Variants in AP2B1 observed in about 807,000 individuals in gnomAD.
AP2B1 encodes the protein adaptor related protein complex 2 subunit beta 1.
Under a neutral mutation model 102.0 loss-of-function variants are expected in AP2B1, and 23 were observed. That is an observed-to-expected ratio of 0.23 (90% CI 0.16 to 0.32). The LOEUF (loss-of-function observed/expected upper bound fraction) is 0.32, where lower values mean the gene tolerates loss of function less well. Ranked by LOEUF, AP2B1 falls within the 10% of genes least tolerant of loss-of-function variation. The probability of loss-of-function intolerance (pLI) is 1.00; values close to 1 mark genes in which losing one functional copy is unlikely to be tolerated. For synonymous variants in AP2B1, 381 were observed against 421.2 expected (o/e 0.90, Z 1.17); for missense variants, 541 against 1,157.4 (o/e 0.47, Z 7.73).
Position 35,629,355 on chromosome 17 carries a change from G to A in AP2B1, c.1155+1629G>A, listed in dbSNP as rs111318286. 9.9e-3 allele frequency among the ~76,000 whole-genome samples: 1,505 copies of A among 151,872 alleles called. 20 individuals carry two copies. The highest frequency in any genetic ancestry group is 0.034 in the African/African-American group (1,416 of 41,384). The stretch of plus-strand genomic sequence containing the variant: ...ATATCAAATCTGTAAACTTTCTTTT[G>A]TCTTAGACCCTTCTCTTTTGCAGTC... On this transcript the variant is annotated intron_variant, in intron 9 of 21. Transcript: ENST00000610402.
chr17:35,716,338 A>C (rs891043132), intron 20 of AP2B1, among the ~76,000 whole-genome samples: 6 of 152,242 alleles, frequency 3.9e-5, no homozygotes, highest in Non-Finnish European at 8.8e-5. Context: ...TCATAAAGAG[A>C]GAAATAACCT....
intron 14 of AP2B1, among the ~76,000 whole-genome samples, chr17:35,660,478 TCTC>T (rs1465158647): frequency 3.0e-4 from 43 of 143,238 alleles, no homozygotes; most frequent in South Asian, 2.2e-4. Context: ...TCTTTTTCTC[TCTC>T]TTTTTTTTTT....
intron 10 of AP2B1, 127 bp from the exon 11 acceptor site, chr17:35,639,468 A>G: frequency 1.4e-6 from 1 of 698,420 alleles, no homozygotes; most frequent in Non-Finnish European, 2.3e-6. Context: ...CATTCTCTTG[A>G]CTAAAAGCTT....
intron 21 of AP2B1, among the ~76,000 whole-genome samples, chr17:35,718,357 T>TGTGC (rs1491356747): frequency 6.4e-5 from 9 of 140,322 alleles, no homozygotes; most frequent in Non-Finnish European, 1.4e-4. Context: ...TGTGTGTGTG[T>TGTGC]GCTCGCTCCT....
At chr17:35,687,487 G>C (rs587622168) in intron 18 of AP2B1, among the ~76,000 whole-genome samples, 5 of 151,848 alleles carry the variant, frequency 3.3e-5, no homozygotes, top group Non-Finnish European at 5.9e-5. Flanking sequence ...TACTTTTCAT[G>C]TTCCCATTTT....
chr17:35,682,802 T>C lies in AP2B1; in HGVS notation c.2432T>C (p.Met811Thr), dbSNP rs781410234. ...PLNTLGPVMK[M>T]EPLNNLQVAV... ...AATACCTTGGGCCCAGTCATGAAGA[T>C]GGAACCTCTGAATAACCTCCAGGTC... The change falls in exon 18 of 22, where the codon ATG becomes ACG. Residue 811 changes from methionine (M) to threonine (T), a missense_variant. Coordinates refer to ENST00000610402, the MANE Select transcript of AP2B1 (RefSeq NM_001030006.2). 1 of 1,612,142 alleles carries C rather than the reference T, an allele frequency of 6.2e-7. No homozygotes were observed. Among genetic ancestry groups the C allele is most frequent in the South Asian group, 1.1e-5 (1 of 91,054 alleles).
chr17:35,696,218 A>G (rs2076138769), intron 18 of AP2B1, among the ~76,000 whole-genome samples: 1 of 151,870 alleles, frequency 6.6e-6, no homozygotes, highest in Non-Finnish European at 1.5e-5. Flanking sequence ...CTTTTAATTG[A>G]CTATTGTCCT....
At position 35,636,434 on chromosome 17, in the gene AP2B1, A is replaced by G. The variant is rs912726039; in HGVS notation, c.1249A>G (p.Ile417Val). 6.8e-6 allele frequency: 11 copies of G among 1,613,724 alleles called. No homozygotes were observed. The highest frequency in any genetic ancestry group is 9.3e-6 in the Non-Finnish European group (11 of 1,179,756). Residue 417 changes from isoleucine to valine, a missense_variant, in exon 10 of 22, where the codon ATC becomes GTC. Physicochemically the swap from Ile to Val is conservative, Grantham distance 29. This residue lies in a region of AP2B1 where 106 missense variants were observed against 296.4 expected (regional missense o/e 0.36). Transcript: ENST00000610402. ...VQEAIVVIRD[I>V]FRKYPNKYES... ...AGAAGCAATTGTTGTCATCAGGGAC[A>G]TCTTCCGCAAATACCCCAACAAGTA...
At chr17:35,688,033 T>C (rs1024569537) in intron 18 of AP2B1, among the ~76,000 whole-genome samples, 1 of 152,216 alleles carries the variant, frequency 6.6e-6, no homozygotes, top group Non-Finnish European at 1.5e-5. Flanking sequence ...ACTATTGGTT[T>C]CCCTTTCTTA....
intron 20 of AP2B1, among the ~76,000 whole-genome samples, chr17:35,716,878 T>C (rs923964525): frequency 6.6e-6 from 1 of 152,240 alleles, no homozygotes; most frequent in Non-Finnish European, 1.5e-5. Flanking sequence ...GAGTCTTCTT[T>C]ACCTGTCTAG....
chr17:35,720,096 C>A (rs1330515335), intron 21 of AP2B1, among the ~76,000 whole-genome samples: 1 of 152,100 alleles, frequency 6.6e-6, no homozygotes, highest in East Asian at 1.9e-4. Flanking sequence ...GGTATGTGTA[C>A]CTAAGCCAAA....
At chr17:35,715,177 C>T (rs894701372) in intron 20 of AP2B1, among the ~76,000 whole-genome samples, 2 of 152,228 alleles carry the variant, frequency 1.3e-5, no homozygotes, top group Non-Finnish European at 2.9e-5. Context: ...TACAGTCATT[C>T]ATTAGGAACA....
intron 18 of AP2B1, among the ~76,000 whole-genome samples, chr17:35,691,125 A>C (rs960895600): frequency 6.6e-6 from 1 of 152,176 alleles, no homozygotes; most frequent in Admixed American, 6.5e-5. Context: ...AAACAAGGCA[A>C]TATTCATCAG....
At chr17:35,590,738 A>C (rs1185610428) in intron 1 of AP2B1, among the ~76,000 whole-genome samples, 1 of 152,148 alleles carries the variant, frequency 6.6e-6, no homozygotes, top group Non-Finnish European at 1.5e-5. Flanking sequence ...TTTTCTAGTT[A>C]AGACAAGAAC....
At chr17:35,630,021 G>T (rs1169632645) in intron 9 of AP2B1, among the ~76,000 whole-genome samples, 3 of 152,176 alleles carry the variant, frequency 2.0e-5, no homozygotes, top group African/African-American at 4.8e-5. Flanking sequence ...TAGAGTCAGA[G>T]GATTGGACCA....
intron 18 of AP2B1, among the ~76,000 whole-genome samples, chr17:35,699,440 C>T (rs768641028): frequency 5.3e-5 from 8 of 152,182 alleles, no homozygotes; most frequent in Non-Finnish European, 7.3e-5. Flanking sequence ...TGGCTTTATA[C>T]TCAGGATGAA....
chr17:35,598,844 C>G (rs2073380375), intron 3 of AP2B1, among the ~76,000 whole-genome samples: 2 of 152,226 alleles, frequency 1.3e-5, no homozygotes, highest in African/African-American at 2.4e-5. Flanking sequence ...ATGCAGGCCC[C>G]TAAGGATTAT....
chr17:35,720,545 T>TATATATATA lies in AP2B1; in HGVS notation c.2782-3080_2782-3079insATATATATA, dbSNP rs1568062926. 3.7e-3 allele frequency among the ~76,000 whole-genome samples: 203 copies of TATATATATA among 54,314 alleles called. 7 individuals carry two copies. The highest frequency in any genetic ancestry group is 0.017 in the Middle Eastern group (1 of 58). 35.6% of individuals were successfully genotyped at this position (54,314 alleles called of 152,430 possible). A position where few individuals can be genotyped will look rare whatever the true frequency, so the allele number is the denominator to read the frequency against. On this transcript the variant is annotated intron_variant, in intron 21 of 21. Coordinates refer to ENST00000610402, the MANE Select transcript of AP2B1 (RefSeq NM_001030006.2). ...TTTGTCCCATATATTTTTATTTTAT[T>TATATATATA]TATATATATATATATATATATATAT...
chr17:35,645,319 T>C (rs2074898826), intron 12 of AP2B1, among the ~76,000 whole-genome samples: 1 of 152,214 alleles, frequency 6.6e-6, no homozygotes. Flanking sequence ...TTCATACTGC[T>C]TTTCTTCTGT....
Sources: allele counts gnomAD v4.1 joint callset (sites outside exome capture counted in the v4.1 genomes callset), GRCh38; gene constraint gnomAD v4.1.1; regional missense constraint gnomAD v4.1.1; transcripts MANE v1.5; gene names NCBI Gene and HGNC (gene_info 2026-07-23, HGNC 2026-07-21).